SPTBN2: variants seen among roughly 807,000 people sequenced by gnomAD.
The protein encoded by SPTBN2 is spectrin beta chain, non-erythrocytic 2.
SPTBN2 carries 107 observed loss-of-function variants against 284.2 expected under a neutral mutation model. The ratio of observed to expected loss-of-function variants is 0.38; its 90% CI spans 0.32 to 0.44. The LOEUF (loss-of-function observed/expected upper bound fraction) is 0.44, where lower values mean the gene tolerates loss of function less well. Ranked by LOEUF, SPTBN2 falls within the 20% of genes least tolerant of loss-of-function variation. The probability of loss-of-function intolerance (pLI) is 1.00; values close to 1 mark genes in which losing one functional copy is unlikely to be tolerated. For missense variants in SPTBN2, 2,569 were observed against 3,287.1 expected (o/e 0.78, Z 5.34); for synonymous variants, 1,289 against 1,354.8 (o/e 0.95, Z 1.07).
rs1462228187 is a variant in SPTBN2, at chr11:66,684,542, G to A, written c.*1329C>T. Among the ~76,000 whole-genome samples the A allele has an allele frequency of 6.6e-6, 1 of 151,978 alleles. No individual in the cohort carries two copies. Among genetic ancestry groups the A allele is most frequent in the Non-Finnish European group, 1.5e-5 (1 of 68,000 alleles). The stretch of plus-strand genomic sequence containing the variant: ...TCAGGCTACTCGGGAGGCTGAGGTG[G>A]GAGGATTGCTTGAACCCAGGAGGTG... On this transcript the variant is annotated 3_prime_UTR_variant, in exon 38 of 38. Transcript: ENST00000533211.
intron 8 of SPTBN2, chr11:66,712,776 T>A (rs1439122947): frequency 6.6e-6 from 1 of 152,212 alleles, no homozygotes; most frequent in African/African-American, 2.4e-5. Context: ...ACAGGTGTGA[T>A]CCCACTACTG....
chr11:66,712,397 A>T (rs1308444423), intron 8 of SPTBN2, among the ~76,000 whole-genome samples: 3 of 152,154 alleles, frequency 2.0e-5, no homozygotes, highest in Non-Finnish European at 4.4e-5. Context: ...AAATACAAAA[A>T]TTAGCCGGGC....
intron 29 of SPTBN2, among the ~76,000 whole-genome samples, chr11:66,689,583 C>T (rs1210320080): frequency 2.0e-5 from 3 of 152,142 alleles, no homozygotes; most frequent in South Asian, 2.1e-4. Context: ...GGATTACAGG[C>T]GTGAGCCACC....
At chr11:66,725,666 A>C (rs886116318) in intron 1 of SPTBN2, among the ~76,000 whole-genome samples, 2 of 152,164 alleles carry the variant, frequency 1.3e-5, no homozygotes, top group East Asian at 3.9e-4. Flanking sequence ...ATTCTTAGCA[A>C]TTGACCTCAA....
At chr11:66,689,467 T>G in intron 29 of SPTBN2, 1 of 517,648 alleles carries the variant, frequency 1.9e-6, no homozygotes, top group African/African-American at 1.9e-5. Flanking sequence ...GGAAACGGGG[T>G]TTCACCATGT....
At chr11:66,690,442 G>C (rs904735507) in intron 27 of SPTBN2, 159 bp from the exon 28 acceptor site, 3 of 1,023,256 alleles carry the variant, frequency 2.9e-6, no homozygotes, top group Non-Finnish European at 4.1e-6. Context: ...TGAAGGCAGG[G>C]GCTGGCCACA....
At chr11:66,692,348 A>G (rs1199150720) in intron 26 of SPTBN2, among the ~76,000 whole-genome samples, 188 bp downstream of exon 26, 1 of 152,132 alleles carries the variant, frequency 6.6e-6, no homozygotes, top group African/African-American at 2.4e-5. Context: ...AGGTGCTAGG[A>G]TTACAGGTGT....
chr11:66,698,844 A>T lies in SPTBN2; in HGVS notation c.3868-59T>A. ...GGAGGGGAGAGGGGGGCATAAAAGC[A>T]GGGCCACAGTGAGCCAGGAGAAGTG... On this transcript the variant is annotated intron_variant, in intron 19 of 37. Transcript: ENST00000533211. The T allele has an allele frequency of 3.1e-6, 5 of 1,609,518 alleles. No individual in the cohort carries two copies. In the South Asian group the frequency reaches 3.3e-5, roughly 11 times the overall value.
Position 66,705,837 on chromosome 11 carries a change from C to T in SPTBN2, c.1654G>A (p.Gly552Ser), listed in dbSNP as rs1182690308. 1 of 1,611,972 alleles carries T rather than the reference C, an allele frequency of 6.2e-7. No homozygotes were observed. The highest frequency in any genetic ancestry group is 8.5e-7 in the Non-Finnish European group (1 of 1,179,784). Reference sequence around the variant, plus strand: ...CCCAGGTCCTGAGACTGCAGCCGGCCCTGCCAGGCACACATGAAGTGCACA... The same window carrying T: ...CCCAGGTCCTGAGACTGCAGCCGGCTCTGCCAGGCACACATGAAGTGCACA... ...YLMDWMEEMK[G>S]RLQSQDLGRH... is the part of the protein sequence containing the mutation. Residue 552 changes from glycine to serine, a missense_variant and splice_region_variant, in exon 14 of 38, where the codon GGC becomes AGC. Physicochemically the swap from Gly to Ser is moderately conservative, Grantham distance 56 (BLOSUM62 0). Transcript: ENST00000533211.
rs1294237897 is a variant in SPTBN2, at chr11:66,700,078, C to G, written c.3573+448G>C. On this transcript the variant is annotated intron_variant, in intron 17 of 37. Transcript: ENST00000533211. The surrounding 1 kb of genome is among the most constrained non-coding windows in gnomAD (Gnocchi z 6.6). ...TCCAGTGATCCACCAGCCTCAGCCT[C>G]CCCAGTAGCTGGAGCTACAGGCATG... Among the ~76,000 whole-genome samples, 1 of 151,930 alleles carries G rather than the reference C, an allele frequency of 6.6e-6. No homozygotes were observed.
At position 66,701,193 on chromosome 11, in the gene SPTBN2, T is replaced by G; in HGVS notation, c.2906A>C (p.Glu969Ala). Residue 969 changes from glutamate to alanine, a missense_variant, in exon 17 of 38, where the codon GAG (glutamate) becomes GCG (alanine). By Grantham distance (107) the Glu-to-Ala change is moderately radical. Coordinates refer to ENST00000533211, the MANE Select transcript of SPTBN2 (RefSeq NM_006946.4). Reference sequence around the variant, plus strand: ...CTTCTCTCTCATCCAGGCCTGGGTCTCCGTGCACTCTAAGTGGTAGTTCTG... The same window carrying G: ...CTTCTCTCTCATCCAGGCCTGGGTCGCCGTGCACTCTAAGTGGTAGTTCTG... ...SIQNYHLECT[E>A]TQAWMREKTK... 1 of 1,613,176 alleles carries G rather than the reference T, an allele frequency of 6.2e-7. No homozygotes were observed. Among genetic ancestry groups the G allele is most frequent in the Non-Finnish European group, 8.5e-7 (1 of 1,180,032 alleles).
At position 66,699,442 on chromosome 11, in the gene SPTBN2, T is replaced by G. The variant is rs1941118728; in HGVS notation, c.3740A>C (p.Asp1247Ala). The G allele has an allele frequency of 1.9e-6, 3 of 1,614,004 alleles. No individual in the cohort carries two copies. In the African/African-American group the frequency reaches 4.0e-5, roughly 22 times the overall value. ...QLVSEGNIHA[D>A]KIREKADSIE... The stretch of plus-strand genomic sequence containing the variant: ...GGAGTCTGCCTTTTCCCGAATCTTG[T>G]CGGCGTGGATGTTGCCTTCAGATAC... Residue 1247 changes from aspartate to alanine, a missense_variant, in exon 18 of 38, where the codon GAC becomes GCC. Asp to Ala is a moderately radical substitution (Grantham distance 126). Transcript: ENST00000533211.
In SPTBN2 at chr11:66,708,555, C is replaced by T. The variant is rs115726288; in HGVS notation, c.1192-256G>A. On this transcript the variant is annotated intron_variant, in intron 11 of 37. Coordinates refer to ENST00000533211, the MANE Select transcript of SPTBN2 (RefSeq NM_006946.4). The surrounding 1 kb of genome is among the most constrained non-coding windows in gnomAD (Gnocchi z 4.4). ...TCCTTTGTGTTGGCAGGACTGTGTG[C>T]GAACCTTATTTTTACTTTTAGTAAT... is the stretch of plus-strand genomic sequence containing the variant. Among the ~76,000 whole-genome samples the T allele has an allele frequency of 3.4e-3, 525 of 152,196 alleles. 2 individuals carry two copies. Among genetic ancestry groups the T allele is most frequent in the African/African-American group, 0.012 (486 of 41,520 alleles).
rs1249163919 is a variant in SPTBN2 at position 66,705,827 on chromosome 11, T to C, written c.1664A>G (p.Gln555Arg). The part of the protein sequence containing the change: ...DWMEEMKGRL[Q>R]SQDLGRHLAG... ...TAGGTGCCTGCCCAGGTCCTGAGACTGCAGCCGGCCCTGCCAGGCACACAT... is the reference window on the plus strand; with the variant it reads ...TAGGTGCCTGCCCAGGTCCTGAGACCGCAGCCGGCCCTGCCAGGCACACAT... Residue 555 changes from glutamine to arginine, a missense_variant, in exon 14 of 38, where the codon CAG becomes CGG. Gln to Arg is a conservative substitution (Grantham distance 43). Transcript: ENST00000533211. 1.2e-6 allele frequency: 2 copies of C among 1,612,274 alleles called. No homozygotes were observed. Among genetic ancestry groups the C allele is most frequent in the Admixed American group, 1.7e-5 (1 of 59,928 alleles).
intron 1 of SPTBN2, among the ~76,000 whole-genome samples, chr11:66,723,671 C>G (rs375779133): frequency 6.6e-6 from 1 of 152,276 alleles, no homozygotes; most frequent in East Asian, 1.9e-4. Context: ...TTAATTTCTA[C>G]GAGGCCTAGG....
upstream of SPTBN2, among the ~76,000 whole-genome samples, chr11:66,733,903 G>A (rs758112192): frequency 2.6e-5 from 4 of 151,188 alleles, no homozygotes; most frequent in African/African-American, 9.8e-5. Flanking sequence ...GCGTGAACCC[G>A]GGAAGCAGAG....
intron 1 of SPTBN2, among the ~76,000 whole-genome samples, chr11:66,727,106 C>T (rs1942643838): frequency 6.6e-6 from 1 of 152,218 alleles, no homozygotes; most frequent in African/African-American, 2.4e-5. Context: ...TGCTATCTCC[C>T]TTCCCCAACC....
Position 66,715,705 on chromosome 11 carries a change from T to C in SPTBN2, c.309+125A>G. 1 of 1,355,882 alleles carries C rather than the reference T, an allele frequency of 7.4e-7. No homozygotes were observed. Among genetic ancestry groups the C allele is most frequent in the Non-Finnish European group, 1.0e-6 (1 of 978,084 alleles). 84.0% of individuals were successfully genotyped at this position (1,355,882 alleles called of 1,614,324 possible). ...AAAGGCACTTGAAATGAACCCATCC[T>C]CTGAGCAGAGGGAGCCACTGCTTCC... On this transcript the variant is annotated intron_variant, in intron 4 of 37. Coordinates refer to ENST00000533211, the MANE Select transcript of SPTBN2 (RefSeq NM_006946.4). This position sits in a 1 kb window ranked among gnomAD's most constrained non-coding sequence, Gnocchi z 5.3.
chr11:66,723,102 C>G (rs1407959690), intron 1 of SPTBN2, among the ~76,000 whole-genome samples: 1 of 151,814 alleles, frequency 6.6e-6, no homozygotes, highest in African/African-American at 2.4e-5. Flanking sequence ...GCCTAGGGCC[C>G]AGGCTGGGGA....
Sources: gnomAD v4.1 joint callset for allele counts (sites outside exome capture counted in the v4.1 genomes callset) on GRCh38, gnomAD v4.1.1 for gene constraint, Gnocchi (gnomAD v3.1) non-coding constraint, MANE v1.5 for transcripts, NCBI Gene and HGNC (gene_info 2026-07-23, HGNC 2026-07-21) for gene names.